Variants in CSGALNACT1 observed in about 807,000 individuals in gnomAD.
CSGALNACT1 encodes chondroitin sulfate N-acetylgalactosaminyltransferase 1, also known as beta4GalNAcT-1.
CSGALNACT1 carries 52 observed loss-of-function variants against 51.0 expected under a neutral mutation model. That is an observed-to-expected ratio of 1.02 (90% CI 0.82 to 1.29). The LOEUF is 1.29. CSGALNACT1 is among the 50% of genes most tolerant of loss of function. The pLI is 0.00. For missense variants in CSGALNACT1, 935 were observed against 679.2 expected (o/e 1.38, Z -4.19); for synonymous variants, 341 against 254.4 (o/e 1.34, Z -3.24).
chr8:19,551,287 GC>G (rs2088008292), intron 3 of CSGALNACT1, among the ~76,000 whole-genome samples: 1 of 152,158 alleles, frequency 6.6e-6, no homozygotes, highest in Non-Finnish European at 1.5e-5. Context: ...ACCTCAGAGA[GC>G]CGGAAACTCC....
At chr8:19,471,181 G>A (rs539532110) in intron 4 of CSGALNACT1, among the ~76,000 whole-genome samples, 6 of 152,144 alleles carry the variant, frequency 3.9e-5, no homozygotes, top group South Asian at 2.1e-4. Flanking sequence ...ACACTCCACC[G>A]GAAAAGGGAA....
chr8:19,682,540 T>A lies in CSGALNACT1; in HGVS notation c.-611A>T, dbSNP rs570742435. The stretch of plus-strand genomic sequence containing the variant: ...CCCGGGGACGTATGGTCTTTCCCGG[T>A]CTTTGCTGTCAGTACTCTACTCCCA... On this transcript the variant is annotated 5_prime_UTR_variant, in exon 1 of 10. Transcript: ENST00000332246. 1.1e-3 allele frequency: 468 copies of A among 428,320 alleles called. 2 individuals are homozygous for A. Among genetic ancestry groups the A allele is most frequent in the Admixed American group, 2.1e-3 (85 of 40,828 alleles). The allele number at this position is 428,320 out of a possible 1,614,324, so 26.5% of individuals were successfully genotyped here. A position where few individuals can be genotyped will look rare whatever the true frequency, so the allele number is the denominator to read the frequency against.
intron 3 of CSGALNACT1, among the ~76,000 whole-genome samples, chr8:19,515,311 T>G (rs906583414): frequency 3.9e-5 from 6 of 152,170 alleles, no homozygotes; most frequent in African/African-American, 1.4e-4. Context: ...CCAAAAGACT[T>G]AGGCTCAGCC....
At chr8:19,641,083 C>CTT (rs2056680700) in intron 1 of CSGALNACT1, among the ~76,000 whole-genome samples, 1 of 151,132 alleles carries the variant, frequency 6.6e-6, no homozygotes, top group East Asian at 1.9e-4. Context: ...CTCAAGTCTC[C>CTT]CAGGGATGCG....
rs182813416 is a variant in CSGALNACT1, at chr8:19,469,914, A to T, written c.635-11272T>A. Among the ~76,000 whole-genome samples, 280 of 152,308 alleles carry T rather than the reference A, an allele frequency of 1.8e-3. 1 individual carries two copies. Among genetic ancestry groups the T allele is most frequent in the Middle Eastern group, 6.8e-3 (2 of 294 alleles). On this transcript the variant is annotated intron_variant, in intron 4 of 9. Coordinates refer to ENST00000454498, the Ensembl canonical transcript of CSGALNACT1. ...CAACCCTAATGAATATTTGCTTCACAGAAGGAGAAAGGGAGGGAGGGAAGA... is the reference window on the plus strand; with the variant it reads ...CAACCCTAATGAATATTTGCTTCACTGAAGGAGAAAGGGAGGGAGGGAAGA...
At chr8:19,669,457 G>A (rs1008238602) in intron 1 of CSGALNACT1, among the ~76,000 whole-genome samples, 1 of 151,986 alleles carries the variant, frequency 6.6e-6, no homozygotes, top group Non-Finnish European at 1.5e-5. Context: ...TTGTTTGTTT[G>A]GTTTTTATTT....
chr8:19,556,938 A>T (rs921894781), intron 3 of CSGALNACT1, among the ~76,000 whole-genome samples: 25 of 151,426 alleles, frequency 1.7e-4, no homozygotes, highest in African/African-American at 5.8e-4. Context: ...CTATAAACAA[A>T]CCACACCACT....
At chr8:19,737,883 A>G (rs2064082575) in intron 1 of CSGALNACT1, among the ~76,000 whole-genome samples, 1 of 152,222 alleles carries the variant, frequency 6.6e-6, no homozygotes, top group African/African-American at 2.4e-5. Context: ...GCCAGGGGCT[A>G]GGAGATGGAT....
At chr8:19,448,035 G>A (rs1350603701) in intron 5 of CSGALNACT1, among the ~76,000 whole-genome samples, 1 of 152,170 alleles carries the variant, frequency 6.6e-6, no homozygotes, top group African/African-American at 2.4e-5. Flanking sequence ...CAGAAGCATG[G>A]GTTTGCTTCA....
chr8:19,524,775 G>C (rs909250536), intron 3 of CSGALNACT1, among the ~76,000 whole-genome samples: 12 of 152,144 alleles, frequency 7.9e-5, no homozygotes, highest in Admixed American at 6.5e-4. Flanking sequence ...AAGCCCCCAA[G>C]ATGTTTATTT....
chr8:19,446,801 G>A (rs1019133029), intron 5 of CSGALNACT1, among the ~76,000 whole-genome samples: 2 of 152,148 alleles, frequency 1.3e-5, no homozygotes, highest in South Asian at 4.2e-4. Flanking sequence ...GGTGTGAGCC[G>A]CCATGTCCGG....
chr8:19,469,534 G>A (rs1159642925), intron 4 of CSGALNACT1, among the ~76,000 whole-genome samples: 2 of 152,024 alleles, frequency 1.3e-5, no homozygotes, highest in Non-Finnish European at 2.9e-5. Flanking sequence ...GGGATGAAGG[G>A]GCAGCAGTGA....
At chr8:19,577,748 C>G (rs551603376) in intron 3 of CSGALNACT1, among the ~76,000 whole-genome samples, 26 of 152,144 alleles carry the variant, frequency 1.7e-4, no homozygotes, top group Admixed American at 3.9e-4. Flanking sequence ...TGCTTTCCAG[C>G]CGTCTGACTT....
intron 1 of CSGALNACT1, among the ~76,000 whole-genome samples, chr8:19,645,748 G>A (rs985265925): frequency 6.6e-6 from 1 of 152,194 alleles, no homozygotes; most frequent in Admixed American, 6.5e-5. Context: ...GGCAGAAGTG[G>A]CTGGAACAGG....
intron 5 of CSGALNACT1, among the ~76,000 whole-genome samples, chr8:19,453,188 G>A (rs1170312354): frequency 2.0e-5 from 3 of 152,072 alleles, no homozygotes; most frequent in Non-Finnish European, 4.4e-5. Context: ...TCAAACAGAA[G>A]AAAATTTCTT....
At chr8:19,525,222 C>T (rs1328146543) in intron 3 of CSGALNACT1, among the ~76,000 whole-genome samples, 7 of 152,118 alleles carry the variant, frequency 4.6e-5, no homozygotes, top group South Asian at 2.1e-4. Flanking sequence ...TTTAAACAAA[C>T]GTGAAAATGG....
chr8:19,609,655 T>C (rs2051913631), intron 1 of CSGALNACT1, among the ~76,000 whole-genome samples: 1 of 150,102 alleles, frequency 6.7e-6, no homozygotes, highest in Admixed American at 6.7e-5. Flanking sequence ...GGGATGGGGG[T>C]TGGGGGGTGA....
chr8:19,733,103 G>T lies in CSGALNACT1; in HGVS notation c.-297+24747C>A, dbSNP rs10107437. Among the ~76,000 whole-genome samples, 655 of 152,302 alleles carry T rather than the reference G, an allele frequency of 4.3e-3. 7 individuals carry two copies. The highest frequency in any genetic ancestry group is 0.015 in the African/African-American group (621 of 41,566). ...GAGGATTAATAAATAATTTGATAAA[G>T]AGTAGAACTTCTGGACAGAAGTGAA... On this transcript the variant is annotated intron_variant, in intron 1 of 1. Coordinates refer to the CSGALNACT1 transcript ENST00000517494.
chr8:19,419,383 G>T lies in CSGALNACT1; in HGVS notation c.1133-633C>A, dbSNP rs544317010. Among the ~76,000 whole-genome samples the T allele has an allele frequency of 3.9e-4, 59 of 152,296 alleles. 1 individual carries two copies. In the South Asian group the frequency reaches 9.3e-3, roughly 24 times the overall value. The stretch of plus-strand genomic sequence containing the variant: ...TTAACCCTTTACTTGCTGGCTCATG[G>T]GATCATCTTAAATGGTTGACTTTGG... On this transcript the variant is annotated intron_variant, in intron 7 of 9. Coordinates refer to ENST00000454498, the Ensembl canonical transcript of CSGALNACT1.
Sources: allele counts gnomAD v4.1 joint callset (sites outside exome capture counted in the v4.1 genomes callset), GRCh38; gene constraint gnomAD v4.1.1; transcripts MANE v1.5; gene names NCBI Gene and HGNC (gene_info 2026-07-23, HGNC 2026-07-21).